The following SAMD5 variants were observed in gnomAD, a reference collection of about 807,000 sequenced individuals.
SAMD5 encodes sterile alpha motif domain containing 5.
SAMD5 carries 13 observed loss-of-function variants against 11.3 expected under a neutral mutation model. The observed-to-expected ratio is 1.15, with a 90% CI of 0.75 to 1.83. The LOEUF is 1.83. Ranked by LOEUF, SAMD5 falls within the 40% of genes most tolerant of loss-of-function variation. The probability of loss-of-function intolerance (pLI) is 0.00; values close to 1 mark genes in which losing one functional copy is unlikely to be tolerated. For missense variants in SAMD5, 255 were observed against 239.1 expected, an observed-to-expected ratio of 1.07 and a Z score of -0.44; for synonymous variants, 129 against 111.3, an observed-to-expected ratio of 1.16 and a Z score of -1.00.
chr6:147,921,617 T>C, the SAMD5 span, among the ~76,000 whole-genome samples: 5 of 152,204 alleles, frequency 3.3e-5, no homozygotes, highest in Non-Finnish European at 7.3e-5. Flanking sequence ...ACAATAATTG[T>C]GTGTAAGCTG....
At chr6:147,793,648 GGTACCTATT>G in the SAMD5 span, among the ~76,000 whole-genome samples, 1 of 151,966 alleles carries the variant, frequency 6.6e-6, no homozygotes, top group Non-Finnish European at 1.5e-5. Flanking sequence ...CAAATTTATT[GGTACCTATT>G]TAGGCTGTTT....
intron 1 of SAMD5, among the ~76,000 whole-genome samples, chr6:147,668,318 T>G (rs978791194): frequency 3.3e-5 from 5 of 152,226 alleles, no homozygotes; most frequent in African/African-American, 9.6e-5. Flanking sequence ...ACTTTGGAGA[T>G]CTTTCCACAT....
downstream of SAMD5, among the ~76,000 whole-genome samples, chr6:147,572,905 T>C (rs1027404578): frequency 6.6e-6 from 1 of 152,172 alleles, no homozygotes; most frequent in African/African-American, 2.4e-5. Context: ...CTGGAAATAA[T>C]TATTTCTTCC....
chr6:147,566,423 G>T lies in SAMD5; in HGVS notation c.*1967G>T, dbSNP rs1789042264. 6 of 984,924 alleles carry T rather than the reference G, an allele frequency of 6.1e-6. No homozygotes were observed. The highest frequency in any genetic ancestry group is 7.2e-6 in the Non-Finnish European group (6 of 829,268). The allele number at this position is 984,924 out of a possible 1,614,324, so 61.0% of individuals were successfully genotyped here. A position where few individuals can be genotyped will look rare whatever the true frequency, so the allele number is the denominator to read the frequency against. ...GCTTCCTGTTTGACCTCATTTCCAGGTGTCGCATCCGTGGCTGATTTATTT... is the reference window on the plus strand; with the variant it reads ...GCTTCCTGTTTGACCTCATTTCCAGTTGTCGCATCCGTGGCTGATTTATTT... On this transcript the variant is annotated 3_prime_UTR_variant, in exon 2 of 2. Coordinates refer to ENST00000367474, the MANE Select transcript of SAMD5 (RefSeq NM_001030060.3).
At chr6:147,842,581 T>A in the SAMD5 span, among the ~76,000 whole-genome samples, 1 of 152,094 alleles carries the variant, frequency 6.6e-6, no homozygotes, top group Non-Finnish European at 1.5e-5. Context: ...TTCTTCTACA[T>A]CAGGGAATTA....
chr6:147,514,869 T>C (rs771745224), intron 1 of SAMD5, among the ~76,000 whole-genome samples: 4 of 152,210 alleles, frequency 2.6e-5, no homozygotes, highest in Non-Finnish European at 1.5e-5. Context: ...AGGCTATTTA[T>C]GGATATTCTG....
chr6:147,509,050 T>C lies in SAMD5; in HGVS notation c.122T>C (p.Leu41Pro), dbSNP rs773040455. The change falls in exon 1 of 2, where the codon CTG becomes CCG. Residue 41 changes from leucine to proline, a missense_variant. Transcript: ENST00000367474. ...EVCKQIGDPD[L>P]DAIGVLAPAH... Reference sequence around the variant, plus strand: ...TGCAAGCAGATCGGGGACCCGGACCTGGATGCCATCGGGGTGCTGGCGCCC... The same window carrying C: ...TGCAAGCAGATCGGGGACCCGGACCCGGATGCCATCGGGGTGCTGGCGCCC... 6.8e-6 allele frequency: 11 copies of C among 1,606,350 alleles called. No individual in the cohort carries two copies. The highest frequency in any genetic ancestry group is 3.4e-6 in the Non-Finnish European group (4 of 1,177,264).
chr6:147,841,310 C>A, the SAMD5 span, among the ~76,000 whole-genome samples: 1 of 152,146 alleles, frequency 6.6e-6, no homozygotes, highest in African/African-American at 2.4e-5. Context: ...ACCTGACTCA[C>A]CTTCAATAAA....
intron 1 of SAMD5, among the ~76,000 whole-genome samples, chr6:147,705,785 C>T (rs1791317513): frequency 6.6e-6 from 1 of 152,164 alleles, no homozygotes; most frequent in African/African-American, 2.4e-5. Context: ...TAATTATCTG[C>T]TGCTTAGTAA....
intron 1 of SAMD5, among the ~76,000 whole-genome samples, chr6:147,671,609 G>A (rs1790796323): frequency 1.3e-5 from 2 of 152,108 alleles, no homozygotes; most frequent in South Asian, 4.1e-4. Context: ...TTCCTAGTGG[G>A]TCTTTGGTCA....
At chr6:147,712,669 C>G (rs142258006) in intron 1 of SAMD5, among the ~76,000 whole-genome samples, 2,470 of 152,172 alleles carry the variant, frequency 0.016, 68 homozygotes, top group African/African-American at 0.057. Context: ...GGAGGGACAT[C>G]TCCCTCTGCA....
At chr6:147,595,673 C>T (rs1789518770) in intron 1 of SAMD5, among the ~76,000 whole-genome samples, 1 of 151,738 alleles carries the variant, frequency 6.6e-6, no homozygotes, top group South Asian at 2.1e-4. Context: ...ACTACAGGTG[C>T]CCACCACCAC....
chr6:147,536,383 G>C (rs4896923), intron 1 of SAMD5, among the ~76,000 whole-genome samples: 2 of 151,940 alleles, frequency 1.3e-5, no homozygotes, highest in Non-Finnish European at 2.9e-5. Flanking sequence ...AGGTAGAGAG[G>C]AACAAAATAT....
the SAMD5 span, among the ~76,000 whole-genome samples, chr6:147,755,914 T>C: frequency 1.3e-5 from 2 of 152,264 alleles, no homozygotes; most frequent in Admixed American, 6.5e-5. Flanking sequence ...TGAACACAAA[T>C]GAATGCTTTT....
At chr6:147,782,883 T>G in the SAMD5 span, among the ~76,000 whole-genome samples, 1 of 152,228 alleles carries the variant, frequency 6.6e-6, no homozygotes, top group Admixed American at 6.5e-5. Context: ...TATTTCGGCA[T>G]TTCTGTAATC....
chr6:147,892,244 C>A, the SAMD5 span, among the ~76,000 whole-genome samples: 1 of 152,206 alleles, frequency 6.6e-6, no homozygotes, highest in Non-Finnish European at 1.5e-5. Flanking sequence ...GGAAATACAG[C>A]AGTGACCTCG....
At chr6:147,846,693 G>A in the SAMD5 span, among the ~76,000 whole-genome samples, 1 of 152,160 alleles carries the variant, frequency 6.6e-6, no homozygotes, top group Non-Finnish European at 1.5e-5. Context: ...GGTGGCACAC[G>A]CCTGTTATCC....
chr6:147,954,484 G>A, the SAMD5 span, among the ~76,000 whole-genome samples: 4 of 152,056 alleles, frequency 2.6e-5, no homozygotes, highest in Non-Finnish European at 5.9e-5. Context: ...AATTTATTGT[G>A]GCCTAAGTGT....
chr6:147,638,256 T>C (rs1790260633), intron 1 of SAMD5, among the ~76,000 whole-genome samples: 1 of 152,214 alleles, frequency 6.6e-6, no homozygotes, highest in Non-Finnish European at 1.5e-5. Flanking sequence ...ATGGCACACG[T>C]AACTTACTTC....
Sources: allele counts gnomAD v4.1 joint callset (sites outside exome capture counted in the v4.1 genomes callset), GRCh38; gene constraint gnomAD v4.1.1; transcripts MANE v1.5; gene names NCBI Gene and HGNC (gene_info 2026-07-23, HGNC 2026-07-21).